ITGA6: variants seen among roughly 807,000 people sequenced by gnomAD.
ITGA6 encodes the protein integrin alpha-6.
ITGA6 carries 63 observed loss-of-function variants against 133.6 expected under a neutral mutation model. The ratio of observed to expected loss-of-function variants is 0.47; its 90% CI spans 0.38 to 0.58. The LOEUF is 0.58. ITGA6 is among the 20% of genes least tolerant of loss of function. The pLI, the probability that ITGA6 is intolerant of heterozygous loss-of-function variation, is 0.00. For missense variants in ITGA6, 1,068 were observed against 1,309.4 expected, an observed-to-expected ratio of 0.82 and a Z score of 2.85; for synonymous variants, 434 against 482.0, an observed-to-expected ratio of 0.90 and a Z score of 1.30.
intron 4 of ITGA6, among the ~76,000 whole-genome samples, chr2:172,470,456 C>T (rs577114072): frequency 2.6e-5 from 4 of 152,092 alleles, no homozygotes; most frequent in East Asian, 1.9e-4. Flanking sequence ...CCTAAAATGT[C>T]GCCATTTAAA....
chr2:172,434,483 A>G (rs971085300), intron 1 of ITGA6, among the ~76,000 whole-genome samples: 2 of 152,168 alleles, frequency 1.3e-5, no homozygotes, highest in African/African-American at 4.8e-5. Flanking sequence ...CTCAGGCCGC[A>G]GTGTGGCAGC....
At chr2:172,460,527 T>G (rs188916448) in intron 1 of ITGA6, among the ~76,000 whole-genome samples, 64 of 152,342 alleles carry the variant, frequency 4.2e-4, no homozygotes, top group African/African-American at 1.5e-3. Flanking sequence ...TGCCTAAAGC[T>G]GATAAATCAA....
At chr2:172,465,244 G>A (rs1685602113) in intron 1 of ITGA6, 1 of 473,324 alleles carries the variant, frequency 2.1e-6, no homozygotes, top group South Asian at 2.1e-5. Flanking sequence ...TCTTTGAAGA[G>A]GGTGTCTTTT....
At chr2:172,453,480 C>T (rs1685090544) in intron 1 of ITGA6, among the ~76,000 whole-genome samples, 1 of 152,190 alleles carries the variant, frequency 6.6e-6, no homozygotes, top group Non-Finnish European at 1.5e-5. Context: ...CATGATTACG[C>T]ACTGCCCTCC....
At chr2:172,433,104 G>T (rs1206338826) in intron 1 of ITGA6, among the ~76,000 whole-genome samples, 1 of 152,156 alleles carries the variant, frequency 6.6e-6, no homozygotes, top group Non-Finnish European at 1.5e-5. Flanking sequence ...TAAAGATTAC[G>T]TACTGCAGCA....
chr2:172,488,932 C>A (rs140434714), intron 19 of ITGA6, among the ~76,000 whole-genome samples: 1 of 152,144 alleles, frequency 6.6e-6, no homozygotes, highest in Non-Finnish European at 1.5e-5. Flanking sequence ...GGAACAGTCT[C>A]GACACCAAGA....
chr2:172,436,197 G>A (rs1684313650), intron 1 of ITGA6, among the ~76,000 whole-genome samples: 1 of 152,152 alleles, frequency 6.6e-6, no homozygotes, highest in Non-Finnish European at 1.5e-5. Flanking sequence ...GCCTTTTAGA[G>A]GCTCAAGGAC....
In ITGA6 at chr2:172,475,483, C is replaced by T. The variant is rs1574379812; in HGVS notation, c.1181-114C>T. On this transcript the variant is annotated intron_variant, in intron 7 of 25. Coordinates refer to ENST00000684293, the MANE Select transcript of ITGA6 (RefSeq NM_000210.4). ...CATCTCAAAAAAAACAAAAAAAAAC[C>T]CCGAAAAAGCCAAACAAATAAATAA... 8 of 773,106 alleles carry T rather than the reference C, an allele frequency of 1.0e-5. 1 individual carries two copies. In the East Asian group the frequency reaches 2.0e-4, roughly 19 times the overall value. The allele number at this position is 773,106 out of a possible 1,614,324, so 47.9% of individuals were successfully genotyped here.
intron 1 of ITGA6, among the ~76,000 whole-genome samples, chr2:172,429,289 GCTTT>G (rs1453665865): frequency 6.6e-6 from 1 of 151,960 alleles, no homozygotes; most frequent in African/African-American, 2.4e-5. Context: ...CTTATACTCT[GCTTT>G]CTCTCAGAAA....
intron 6 of ITGA6, among the ~76,000 whole-genome samples, chr2:172,474,658 G>GT (rs1559139912): frequency 6.6e-6 from 1 of 152,238 alleles, no homozygotes; most frequent in East Asian, 1.9e-4. Flanking sequence ...GTTGGTGCCA[G>GT]TTGGGGGGGT....
At chr2:172,489,378 T>A in intron 19 of ITGA6, 107 bp from the exon 20 acceptor site, 1 of 855,640 alleles carries the variant, frequency 1.2e-6, no homozygotes, top group South Asian at 1.5e-5. Flanking sequence ...GCTTTTATTA[T>A]AGGATTACGT....
chr2:172,448,772 C>CT (rs1222439544), intron 1 of ITGA6, among the ~76,000 whole-genome samples: 2 of 152,150 alleles, frequency 1.3e-5, no homozygotes, highest in African/African-American at 2.4e-5. Flanking sequence ...ACTTGCCCAA[C>CT]TGGATTATCC....
At chr2:172,495,898 T>G (rs1687107684) in intron 23 of ITGA6, among the ~76,000 whole-genome samples, 2 of 152,204 alleles carry the variant, frequency 1.3e-5, no homozygotes, top group African/African-American at 4.8e-5. Context: ...TTGTGCACAG[T>G]GTCATTATAA....
intron 1 of ITGA6, among the ~76,000 whole-genome samples, chr2:172,460,881 C>T (rs964851790): frequency 6.6e-6 from 1 of 152,174 alleles, no homozygotes; most frequent in Non-Finnish European, 1.5e-5. Flanking sequence ...GACCAGCTTG[C>T]ATAGCTAGGG....
chr2:172,481,857 A>G (rs1191108113), intron 11 of ITGA6, among the ~76,000 whole-genome samples: 3 of 152,194 alleles, frequency 2.0e-5, no homozygotes, highest in Admixed American at 1.3e-4. Flanking sequence ...TTCAGGATCT[A>G]TCATCCTTTC....
Position 172,497,995 on chromosome 2 carries a change from C to T in ITGA6, c.3009C>T (p.Pro1003=). Residue 1003 remains proline, a synonymous_variant, in exon 24 of 26, where the codon CCC becomes CCT. Coordinates refer to ENST00000684293, the MANE Select transcript of ITGA6 (RefSeq NM_000210.4). ...AGTQVRVTVF[P]SKTVAQYSGV... is the part of the protein sequence containing the mutation. ...TGTAGGTTCGAGTGACTGTGTTTCCCTCAAAGACTGTAGCTCAGTATTCGG... is the reference window on the plus strand; with the variant it reads ...TGTAGGTTCGAGTGACTGTGTTTCCTTCAAAGACTGTAGCTCAGTATTCGG... 2 of 1,613,926 alleles carry T rather than the reference C, an allele frequency of 1.2e-6. No individual in the cohort carries two copies. Among genetic ancestry groups the T allele is most frequent in the Non-Finnish European group, 1.7e-6 (2 of 1,179,872 alleles).
chr2:172,436,920 G>T (rs545306642), intron 1 of ITGA6, among the ~76,000 whole-genome samples: 1 of 152,316 alleles, frequency 6.6e-6, no homozygotes, highest in African/African-American at 2.4e-5. Flanking sequence ...AGGGGAGAAT[G>T]GTTGATGTGA....
intron 1 of ITGA6, among the ~76,000 whole-genome samples, chr2:172,448,876 A>C (rs532867983): frequency 3.9e-5 from 6 of 152,280 alleles, no homozygotes; most frequent in African/African-American, 1.4e-4. Flanking sequence ...GCCCTCAAGG[A>C]GTTTATAGCC....
chr2:172,500,048 A>G (rs908426785), intron 24 of ITGA6, among the ~76,000 whole-genome samples: 1 of 152,166 alleles, frequency 6.6e-6, no homozygotes, highest in African/African-American at 2.4e-5. Context: ...TATTCAACTG[A>G]ATTATTTAAT....
Sources: allele counts gnomAD v4.1 joint callset (sites outside exome capture counted in the v4.1 genomes callset), GRCh38; gene constraint gnomAD v4.1.1; transcripts MANE v1.5; gene names NCBI Gene and HGNC (gene_info 2026-07-23, HGNC 2026-07-21).